The following USP40 variants were observed in gnomAD, a reference collection of about 807,000 sequenced individuals.
The protein encoded by USP40 is ubiquitin carboxyl-terminal hydrolase 40.
A neutral mutation model predicts 166.2 loss-of-function variants in USP40; 143 were observed. The ratio of observed to expected loss-of-function variants is 0.86; its 90% CI spans 0.75 to 0.99. The LOEUF is 0.99. Ranked by LOEUF, USP40 falls within the 50% of genes least tolerant of loss-of-function variation. USP40 has a pLI of 0.00. For missense variants in USP40, 1,444 were observed against 1,479.7 expected, an observed-to-expected ratio of 0.98 and a Z score of 0.40; for synonymous variants, 498 against 524.0, an observed-to-expected ratio of 0.95 and a Z score of 0.68.
intron 11 of USP40, among the ~76,000 whole-genome samples, chr2:233,533,031 T>A (rs2068664051): frequency 6.6e-6 from 1 of 150,750 alleles, no homozygotes; most frequent in Non-Finnish European, 1.5e-5. Flanking sequence ...ATAATAGAAA[T>A]AAAAGATATA....
chr2:233,482,360 T>G lies in USP40; in HGVS notation c.3505-1063A>C, dbSNP rs2064668078. On this transcript the variant is annotated intron_variant, in intron 30 of 31. Coordinates refer to ENST00000678225, the MANE Select transcript of USP40 (RefSeq NM_001365479.2). ...GCCTGGGTGACAGAGTGAGACTCTG[T>G]CTCAAAAAAAAAAAAAAATCTGTCA... Among the ~76,000 whole-genome samples the G allele has an allele frequency of 1.3e-5, 2 of 148,720 alleles. 1 individual carries two copies. Among genetic ancestry groups the G allele is most frequent in the South Asian group, 4.2e-4 (2 of 4,710 alleles).
intron 15 of USP40, 42 bp downstream of exon 15, chr2:233,524,450 A>T: frequency 6.4e-7 from 1 of 1,570,248 alleles, no homozygotes; most frequent in Non-Finnish European, 8.7e-7. Flanking sequence ...CTTTTAAAAC[A>T]TCCAAAATTA....
chr2:233,489,686 G>C (rs999118909), intron 26 of USP40: 19 of 498,826 alleles, frequency 3.8e-5, no homozygotes, highest in Non-Finnish European at 6.7e-5. Context: ...ATATTCCTCT[G>C]CACTGAAATC....
intron 13 of USP40, 128 bp from the exon 14 acceptor site, chr2:233,525,690 C>T (rs763757555): frequency 8.3e-6 from 5 of 598,910 alleles, no homozygotes; most frequent in South Asian, 5.5e-5. Context: ...CTCTCACCCC[C>T]ACCCAACACC....
At chr2:233,508,683 T>G (rs191636082) in intron 21 of USP40, among the ~76,000 whole-genome samples, 9 of 152,332 alleles carry the variant, frequency 5.9e-5, no homozygotes, top group Admixed American at 4.6e-4. Context: ...CATTTATTAG[T>G]TGGAATATGT....
intron 11 of USP40, among the ~76,000 whole-genome samples, chr2:233,530,374 A>G (rs551727453): frequency 6.6e-6 from 1 of 152,306 alleles, no homozygotes; most frequent in South Asian, 2.1e-4. Flanking sequence ...TAACCTAACC[A>G]ATCTTTTTCT....
Position 233,525,518 on chromosome 2 carries a change from C to T in USP40, c.1770G>A (p.Lys590=), listed in dbSNP as rs1474744748. The change falls in exon 14 of 32, where the codon AAG becomes AAA. Residue 590 remains lysine (K), a synonymous_variant. Coordinates refer to ENST00000678225, the MANE Select transcript of USP40 (RefSeq NM_001365479.2). ...WEGDMVLSVA[K]LVPAGLHIYQ... ...AAATGTGAAGTCCTGCTGGTACAAGCTTTGCAACACTAAGAACCATGTCTC... is the reference window on the plus strand; with the variant it reads ...AAATGTGAAGTCCTGCTGGTACAAGTTTTGCAACACTAAGAACCATGTCTC... The T allele has an allele frequency of 6.2e-7, 1 of 1,613,262 alleles. No individual in the cohort carries two copies. The highest frequency in any genetic ancestry group is 8.5e-7 in the Non-Finnish European group (1 of 1,179,480).
At chr2:233,536,820 T>C (rs1017283107) in intron 10 of USP40, among the ~76,000 whole-genome samples, 1 of 152,150 alleles carries the variant, frequency 6.6e-6, no homozygotes, top group African/African-American at 2.4e-5. Flanking sequence ...TAGTGAAAAA[T>C]AATAAAAACT....
At chr2:233,494,961 TATATATATATATATATATAC>T (rs2065639060) in intron 24 of USP40, among the ~76,000 whole-genome samples, 1 of 59,758 alleles carries the variant, frequency 1.7e-5, no homozygotes, top group African/African-American at 1.0e-4. Flanking sequence ...TATATTTATA[TATATATATATATATATATAC>T]ACACACATAA....
intron 18 of USP40, among the ~76,000 whole-genome samples, chr2:233,516,049 A>G (rs1053745675): frequency 2.6e-5 from 4 of 152,206 alleles, no homozygotes; most frequent in African/African-American, 4.8e-5. Flanking sequence ...CACGGGCCAC[A>G]TGTGATCTCT....
intron 18 of USP40, among the ~76,000 whole-genome samples, chr2:233,518,931 A>G (rs1198915022): frequency 6.6e-6 from 1 of 152,252 alleles, no homozygotes; most frequent in Non-Finnish European, 1.5e-5. Context: ...CTAGTCAGCA[A>G]TGCAAAGGAA....
intron 16 of USP40, among the ~76,000 whole-genome samples, chr2:233,521,868 AATT>A (rs1462850337): frequency 6.6e-6 from 1 of 152,206 alleles, no homozygotes; most frequent in African/African-American, 2.4e-5. Flanking sequence ...ACTGTATGAT[AATT>A]ATGACAATGA....
intron 18 of USP40, 139 bp from the exon 19 acceptor site, chr2:233,512,761 G>A: frequency 2.6e-6 from 1 of 391,642 alleles, no homozygotes; most frequent in Non-Finnish European, 4.5e-6. Flanking sequence ...TTAATTAGCA[G>A]AAAACTACAG....
chr2:233,540,617 A>G (rs2069314781), intron 10 of USP40, 45 bp downstream of exon 10: 1 of 1,245,964 alleles, frequency 8.0e-7, no homozygotes, highest in East Asian at 2.4e-5. Context: ...GATCATAATG[A>G]AATTTCTTGG....
intron 3 of USP40, 71 bp from the exon 4 acceptor site, chr2:233,559,995 A>G (rs2071431523): frequency 1.9e-6 from 2 of 1,067,588 alleles, no homozygotes. Context: ...AAACAACTGC[A>G]TACTAGCTTT....
intron 8 of USP40, among the ~76,000 whole-genome samples, chr2:233,545,040 C>T (rs780155018): frequency 6.6e-6 from 1 of 152,100 alleles, no homozygotes; most frequent in South Asian, 2.1e-4. Context: ...AAATTACTCC[C>T]GTAAATCAAG....
At chr2:233,512,812 C>T (rs934579063) in intron 18 of USP40, 190 bp from the exon 19 acceptor site, 2 of 308,914 alleles carry the variant, frequency 6.5e-6, no homozygotes, top group Non-Finnish European at 1.2e-5. Flanking sequence ...CCCCAACAAC[C>T]AAAGAAAAAA....
intron 19 of USP40, 26 bp downstream of exon 19, chr2:233,512,543 T>A: frequency 6.5e-7 from 1 of 1,547,010 alleles, no homozygotes; most frequent in Non-Finnish European, 8.7e-7. Flanking sequence ...ATAAGCCACC[T>A]TTTGAAAGTT....
chr2:233,503,772 G>A (rs1442632936), intron 21 of USP40, among the ~76,000 whole-genome samples: 2 of 152,084 alleles, frequency 1.3e-5, no homozygotes, highest in African/African-American at 4.8e-5. Flanking sequence ...ATACTTAAGG[G>A]AGCACTACAA....
Sources: allele counts gnomAD v4.1 joint callset (sites outside exome capture counted in the v4.1 genomes callset), GRCh38; gene constraint gnomAD v4.1.1; transcripts MANE v1.5; gene names NCBI Gene and HGNC (gene_info 2026-07-23, HGNC 2026-07-21).